ADCY1: variants seen among roughly 807,000 people sequenced by gnomAD.
ADCY1 encodes adenylate cyclase 1, also known as adenylate cyclase type 1.
In ADCY1, 28 loss-of-function variants were observed where a neutral mutation model predicts 105.4. The observed-to-expected ratio is 0.27, with a 90% CI of 0.20 to 0.36. ADCY1 has a LOEUF of 0.36. ADCY1 is among the 10% of genes least tolerant of loss of function. ADCY1 has a pLI of 1.00. For missense variants in ADCY1, 977 were observed against 1,434.2 expected (o/e 0.68, Z 5.15); for synonymous variants, 655 against 623.8 (o/e 1.05, Z -0.75).
intron 8 of ADCY1, among the ~76,000 whole-genome samples, chr7:45,666,324 C>T (rs1321647962): frequency 6.6e-6 from 1 of 152,142 alleles, no homozygotes; most frequent in East Asian, 1.9e-4. Context: ...TGTGATGTTC[C>T]CCTTCCTGTG....
In ADCY1 at chr7:45,686,765, C is replaced by T. The variant is rs1430426624; in HGVS notation, c.2454+92C>T. The T allele has an allele frequency of 1.1e-5, 16 of 1,496,524 alleles. No individual in the cohort carries two copies. The highest frequency in any genetic ancestry group is 8.6e-5 in the Admixed American group (4 of 46,748). 92.7% of individuals were successfully genotyped at this position (1,496,524 alleles called of 1,614,324 possible). On this transcript the variant is annotated intron_variant, in intron 14 of 19. Transcript: ENST00000297323. The surrounding 1 kb of genome is among the most constrained non-coding windows in gnomAD (Gnocchi z 4.3). ...ATCTGACGGGGGCTGCCACAGACAC[C>T]CACACGCCGTATGGCCCTCGGAGGG...
chr7:45,632,213 C>T (rs1379003569), intron 4 of ADCY1, among the ~76,000 whole-genome samples: 1 of 152,178 alleles, frequency 6.6e-6, no homozygotes, highest in Non-Finnish European at 1.5e-5. Context: ...CACACCCTGG[C>T]CCTGTAGTTT....
At chr7:45,611,496 G>A (rs1308916652) in intron 3 of ADCY1, among the ~76,000 whole-genome samples, 5 of 152,090 alleles carry the variant, frequency 3.3e-5, no homozygotes, top group African/African-American at 1.2e-4. Context: ...TTGTTGCTGG[G>A]TCTGGTATAT....
At chr7:45,589,336 C>T (rs530816977) in intron 1 of ADCY1, among the ~76,000 whole-genome samples, 159 of 152,220 alleles carry the variant, frequency 1.0e-3, no homozygotes, top group African/African-American at 3.5e-3. Context: ...CGGGCCGGGC[C>T]GGGGTTGGGT....
chr7:45,690,293 C>T lies in ADCY1; in HGVS notation c.2454+3620C>T, dbSNP rs534987154. On this transcript the variant is annotated intron_variant, in intron 14 of 19. Transcript: ENST00000297323. Reference sequence around the variant, plus strand: ...CACTCTAAGGGGGTGAGTTCAGGAGCCCTTATGATGCTTGGACTATTTGAA... The same window carrying T: ...CACTCTAAGGGGGTGAGTTCAGGAGTCCTTATGATGCTTGGACTATTTGAA... Among the ~76,000 whole-genome samples, 13 of 152,222 alleles carry T rather than the reference C, an allele frequency of 8.5e-5. No homozygotes were observed. The East Asian group carries it at 2.3e-3, about 27-fold the overall frequency.
chr7:45,682,903 G>A (rs576286008), intron 11 of ADCY1, among the ~76,000 whole-genome samples: 8 of 152,286 alleles, frequency 5.3e-5, no homozygotes, highest in South Asian at 4.1e-4. Flanking sequence ...GAGCCTCACC[G>A]CACAGAGGGG....
chr7:45,664,539 G>C (rs1795218605), intron 8 of ADCY1: 1 of 1,340,954 alleles, frequency 7.5e-7, no homozygotes, highest in African/African-American at 1.5e-5. Flanking sequence ...ACACAAAGAT[G>C]CACAAGGGAG....
At position 45,679,721 on chromosome 7, in the gene ADCY1, C is replaced by G. The variant is rs779917215; in HGVS notation, c.1911C>G (p.Val637=). Residue 637 remains valine, a synonymous_variant, in exon 11 of 20, where the codon GTC becomes GTG. Transcript: ENST00000297323. ...YLLIFPQSVV[V]LLLLVFCICF... ...TTCTGTCCCCCAGGAGTGTGGTCGT[C>G]CTGCTCCTGCTAGTATTCTGCATCT... is the stretch of plus-strand genomic sequence containing the variant. 1 of 1,614,216 alleles carries G rather than the reference C, an allele frequency of 6.2e-7. No individual in the cohort carries two copies. Among genetic ancestry groups the G allele is most frequent in the Admixed American group, 1.7e-5 (1 of 60,032 alleles).
In ADCY1 at chr7:45,714,244, T is replaced by C; in HGVS notation, c.*249T>C. The C allele has an allele frequency of 1.9e-6, 1 of 533,122 alleles. No homozygotes were observed. Among genetic ancestry groups the C allele is most frequent in the South Asian group, 3.0e-5 (1 of 33,660 alleles). 33.0% of individuals were successfully genotyped at this position (533,122 alleles called of 1,614,324 possible). The stretch of plus-strand genomic sequence containing the variant: ...ACACTTCCAGGCCTCCCTGGAGAGG[T>C]GTCCACTCCATCCTTCCCTCCGTGG... On this transcript the variant is annotated 3_prime_UTR_variant, in exon 20 of 20. Transcript: ENST00000297323.
At chr7:45,678,460 T>TA (rs965243088) in intron 10 of ADCY1, among the ~76,000 whole-genome samples, 197 bp downstream of exon 10, 1 of 152,204 alleles carries the variant, frequency 6.6e-6, no homozygotes, top group Admixed American at 6.5e-5. Flanking sequence ...GTCAGTAGTG[T>TA]AACAAGCCTT....
chr7:45,616,938 C>G (rs1793753339), intron 3 of ADCY1, among the ~76,000 whole-genome samples: 1 of 152,208 alleles, frequency 6.6e-6, no homozygotes, highest in South Asian at 2.1e-4. Context: ...CTGCAGCCCA[C>G]TTTCCCACTG....
At chr7:45,590,421 C>T (rs1304513657) in intron 1 of ADCY1, among the ~76,000 whole-genome samples, 1 of 152,144 alleles carries the variant, frequency 6.6e-6, no homozygotes, top group Non-Finnish European at 1.5e-5. Context: ...TGTGCAGGCT[C>T]CTCCGCAGGC....
rs1355207949 is a variant in ADCY1 at position 45,647,516 on chromosome 7, T to G, written c.1021-1154T>G. Among the ~76,000 whole-genome samples, 1 of 152,180 alleles carries G rather than the reference T, an allele frequency of 6.6e-6. No individual in the cohort carries two copies. On this transcript the variant is annotated intron_variant, in intron 4 of 19. Transcript: ENST00000297323. This position sits in a 1 kb window ranked among gnomAD's most constrained non-coding sequence, Gnocchi z 4.6. ...AGTGGCTGAAGGAGTTCTGTGGCCT[T>G]ATAAGACCATTTCAGGGGACTTGTG... is the stretch of plus-strand genomic sequence containing the variant.
At chr7:45,650,017 G>C (rs1172679492) in intron 5 of ADCY1, among the ~76,000 whole-genome samples, 1 of 152,218 alleles carries the variant, frequency 6.6e-6, no homozygotes, top group Non-Finnish European at 1.5e-5. Flanking sequence ...AGGAAGGAAA[G>C]ATGCCTGGCG....
At chr7:45,664,461 C>T in intron 8 of ADCY1, 1 of 1,523,696 alleles carries the variant, frequency 6.6e-7, no homozygotes, top group Non-Finnish European at 8.8e-7. Flanking sequence ...GGCATTCACG[C>T]CAGCTCTGTT....
At chr7:45,611,815 G>A (rs1050829711) in intron 3 of ADCY1, among the ~76,000 whole-genome samples, 1 of 152,152 alleles carries the variant, frequency 6.6e-6, no homozygotes, top group Non-Finnish European at 1.5e-5. Context: ...TGAGGGACCT[G>A]AAACACTTTT....
chr7:45,708,354 A>G lies in ADCY1; in HGVS notation c.2822A>G (p.Lys941Arg), dbSNP rs144581014. The part of the protein sequence containing the change: ...GLAPTSGTKA[K>R]KSISSHLSTL... The stretch of plus-strand genomic sequence containing the variant: ...ACCCCATCTGTTTACACCTAGGCTA[A>G]GAAGTCCATCTCCTCCCACCTGAGC... The change falls in exon 18 of 20, where the codon AAG becomes AGG. Residue 941 changes from lysine (K) to arginine (R), a missense_variant. Physicochemically the swap from Lys to Arg is conservative, Grantham distance 26. Around this residue, in one of 7 missense-constraint regions of ADCY1, gnomAD observed 152 missense variants for 293.7 expected, o/e 0.52. Transcript: ENST00000297323. This position sits in a 1 kb window ranked among gnomAD's most constrained non-coding sequence, Gnocchi z 4.7. 1.5e-5 allele frequency: 25 copies of G among 1,613,660 alleles called. No homozygotes were observed. The highest frequency in any genetic ancestry group is 3.3e-4 in the Middle Eastern group (2 of 6,056).
chr7:45,623,071 T>TC (rs1293562762), intron 4 of ADCY1, among the ~76,000 whole-genome samples: 29 of 152,216 alleles, frequency 1.9e-4, no homozygotes, highest in Admixed American at 1.9e-3. Context: ...TGCCATTGTG[T>TC]CCCACTGTAG....
At chr7:45,666,016 T>C (rs1252553729) in intron 8 of ADCY1, among the ~76,000 whole-genome samples, 1 of 152,250 alleles carries the variant, frequency 6.6e-6, no homozygotes, top group Non-Finnish European at 1.5e-5. Context: ...AGGCACTTGC[T>C]GTGCTCGCTC....
Sources: gnomAD v4.1 joint callset for allele counts (sites outside exome capture counted in the v4.1 genomes callset) on GRCh38, gnomAD v4.1.1 for gene constraint, gnomAD v4.1.1 regional missense constraint, Gnocchi (gnomAD v3.1) non-coding constraint, MANE v1.5 for transcripts, NCBI Gene and HGNC (gene_info 2026-07-23, HGNC 2026-07-21) for gene names.